The following TRAPPC9 variants were observed in gnomAD, a reference collection of about 807,000 sequenced individuals.
The protein encoded by TRAPPC9 is IKK2 binding protein.
Under a neutral mutation model 124.0 loss-of-function variants are expected in TRAPPC9, and 83 were observed. The ratio of observed to expected loss-of-function variants is 0.67; its 90% CI spans 0.56 to 0.80. The LOEUF (loss-of-function observed/expected upper bound fraction) is 0.80. Ranked by LOEUF, TRAPPC9 falls within the 30% of genes least tolerant of loss-of-function variation. The pLI is 0.00. For missense variants in TRAPPC9, 1,302 were observed against 1,508.3 expected (o/e 0.86, Z 2.27); for synonymous variants, 638 against 617.5 (o/e 1.03, Z -0.49).
At chr8:139,942,102 T>C (rs1378121348) in intron 19 of TRAPPC9, among the ~76,000 whole-genome samples, 1 of 152,168 alleles carries the variant, frequency 6.6e-6, no homozygotes, top group Non-Finnish European at 1.5e-5. Flanking sequence ...CCTTACTGAT[T>C]TGTGAACACT....
At chr8:140,366,524 C>CA (rs970335195) in intron 8 of TRAPPC9, among the ~76,000 whole-genome samples, 2 of 151,944 alleles carry the variant, frequency 1.3e-5, no homozygotes, top group African/African-American at 4.8e-5. Context: ...CATCCACAAG[C>CA]AAAAAAATAA....
chr8:140,365,987 A>T (rs10101359), intron 8 of TRAPPC9, among the ~76,000 whole-genome samples: 20,544 of 152,098 alleles, frequency 0.14, 1,654 homozygotes, highest in Middle Eastern at 0.3. Flanking sequence ...GTGTTCTCAT[A>T]ATTTAGCTCC....
intron 17 of TRAPPC9, among the ~76,000 whole-genome samples, chr8:140,091,076 T>C (rs1208153119): frequency 2.6e-5 from 4 of 152,122 alleles, no homozygotes; most frequent in Non-Finnish European, 4.4e-5. Context: ...GAACAAGTCA[T>C]AAAAGGCAAA....
intron 21 of TRAPPC9, among the ~76,000 whole-genome samples, chr8:139,774,960 G>A (rs1414795934): frequency 3.9e-5 from 6 of 152,198 alleles, no homozygotes; most frequent in South Asian, 2.1e-4. Flanking sequence ...CAGAACGCCC[G>A]GATGGTATCA....
chr8:140,457,723 C>T lies in TRAPPC9; in HGVS notation c.-95G>A, dbSNP rs1588395585. ...GCAGCCTCTGCGGCCACTTCCCAGG[C>T]TCTGGGCTGGCGCTTCCTACTGGCG... is the stretch of plus-strand genomic sequence containing the variant. On this transcript the variant is annotated 5_prime_UTR_variant, in exon 1 of 23. Transcript: ENST00000438773. 6.0e-6 allele frequency: 6 copies of T among 993,632 alleles called. No homozygotes were observed. The highest frequency in any genetic ancestry group is 7.2e-6 in the Non-Finnish European group (6 of 834,994). The allele number at this position is 993,632 out of a possible 1,614,324, so 61.6% of individuals were successfully genotyped here. A position where few individuals can be genotyped will look rare whatever the true frequency, so the allele number is the denominator to read the frequency against.
At chr8:139,976,364 A>G (rs1347443689) in intron 19 of TRAPPC9, among the ~76,000 whole-genome samples, 1 of 152,240 alleles carries the variant, frequency 6.6e-6, no homozygotes, top group Non-Finnish European at 1.5e-5. Flanking sequence ...ATTTGTGACC[A>G]TGGATTATGC....
At chr8:139,778,043 T>C (rs1385132733) in intron 21 of TRAPPC9, among the ~76,000 whole-genome samples, 2 of 151,772 alleles carry the variant, frequency 1.3e-5, no homozygotes, top group Non-Finnish European at 2.9e-5. Flanking sequence ...GGGGTTCCCT[T>C]ACGGATTCAG....
chr8:140,294,964 T>C (rs2065765026), intron 11 of TRAPPC9, among the ~76,000 whole-genome samples: 1 of 152,190 alleles, frequency 6.6e-6, no homozygotes, highest in Admixed American at 6.5e-5. Context: ...ATCCTCAGCA[T>C]GTCAAAGCAC....
At chr8:140,114,576 A>G (rs759118225) in intron 17 of TRAPPC9, among the ~76,000 whole-genome samples, 1 of 152,208 alleles carries the variant, frequency 6.6e-6, no homozygotes, top group African/African-American at 2.4e-5. Flanking sequence ...GGAAGGTATC[A>G]TAATAGGACC....
intron 9 of TRAPPC9, among the ~76,000 whole-genome samples, chr8:140,321,451 C>G (rs972853814): frequency 2.0e-5 from 3 of 152,192 alleles, no homozygotes; most frequent in Non-Finnish European, 4.4e-5. Flanking sequence ...TGCGCACTAA[C>G]AATGAGAATG....
intron 20 of TRAPPC9, among the ~76,000 whole-genome samples, chr8:139,890,511 T>G (rs1463891935): frequency 6.6e-6 from 1 of 152,180 alleles, no homozygotes; most frequent in Non-Finnish European, 1.5e-5. Context: ...GACCTTAGGC[T>G]CTGGATATGT....
intron 17 of TRAPPC9, among the ~76,000 whole-genome samples, chr8:140,086,733 C>T (rs1844209527): frequency 6.6e-6 from 1 of 152,098 alleles, no homozygotes. Flanking sequence ...AGTTCAAGAC[C>T]AGCCTGACCA....
At chr8:139,999,746 A>T (rs1393699557) in intron 18 of TRAPPC9, among the ~76,000 whole-genome samples, 1 of 152,242 alleles carries the variant, frequency 6.6e-6, no homozygotes, top group East Asian at 1.9e-4. Context: ...TTAACCTAGA[A>T]ATCAATGGTA....
Position 139,962,436 on chromosome 8 carries a change from TCATTCATC to T in TRAPPC9, c.2810+26282_2810+26289del, listed in dbSNP as rs1274463596. Reference sequence around the variant, plus strand: ...ACACAAGTTGTATGTTCTCTTTTTTTCATTCATCCATTCATTCAACACACACACAGTAT... The same window carrying T: ...ACACAAGTTGTATGTTCTCTTTTTTTCATTCATTCAACACACACACAGTAT... On this transcript the variant is annotated intron_variant, in intron 19 of 22. Coordinates refer to ENST00000438773, the MANE Select transcript of TRAPPC9 (RefSeq NM_001160372.4). Among the ~76,000 whole-genome samples the T allele has an allele frequency of 8.0e-4, 100 of 125,746 alleles. 7 individuals carry two copies. Among genetic ancestry groups the T allele is most frequent in the African/African-American group, 2.5e-3 (99 of 39,644 alleles). The allele number at this position is 125,746 out of a possible 152,430, so 82.5% of individuals were successfully genotyped here. A position where few individuals can be genotyped will look rare whatever the true frequency, so the allele number is the denominator to read the frequency against.
At chr8:140,452,641 C>T (rs532749452) in intron 1 of TRAPPC9, among the ~76,000 whole-genome samples, 1 of 152,124 alleles carries the variant, frequency 6.6e-6, no homozygotes, top group South Asian at 2.1e-4. Context: ...TACCTGATTC[C>T]CCAGAGCTGG....
intron 1 of TRAPPC9, among the ~76,000 whole-genome samples, chr8:140,453,379 G>A (rs2071538303): frequency 6.6e-6 from 1 of 152,172 alleles, no homozygotes; most frequent in South Asian, 2.1e-4. Context: ...AAGCCTGACT[G>A]CAGAGATCGT....
intron 19 of TRAPPC9, among the ~76,000 whole-genome samples, chr8:139,915,927 C>T (rs573090866): frequency 3.3e-5 from 5 of 152,290 alleles, no homozygotes; most frequent in Admixed American, 1.3e-4. Context: ...GAGGAAGGGG[C>T]TTGTGCGTGT....
intron 9 of TRAPPC9, among the ~76,000 whole-genome samples, chr8:140,344,269 G>C (rs1002044203): frequency 1.3e-5 from 2 of 152,134 alleles, no homozygotes; most frequent in Admixed American, 6.5e-5. Context: ...AGCTGTGAGA[G>C]GTAAATGTCC....
chr8:139,795,014 A>G (rs1381178945), intron 21 of TRAPPC9, among the ~76,000 whole-genome samples: 1 of 152,212 alleles, frequency 6.6e-6, no homozygotes, highest in Non-Finnish European at 1.5e-5. Context: ...TTCATTAAGC[A>G]CTTACTACGT....
Sources: gnomAD v4.1 joint callset for allele counts (sites outside exome capture counted in the v4.1 genomes callset) on GRCh38, gnomAD v4.1.1 for gene constraint, MANE v1.5 for transcripts, NCBI Gene and HGNC (gene_info 2026-07-23, HGNC 2026-07-21) for gene names.